GLIS3: variants seen among roughly 807,000 people sequenced by gnomAD.
GLIS3 encodes GLIS family zinc finger 3.
Under a neutral mutation model 78.6 loss-of-function variants are expected in GLIS3, and 53 were observed. That is an observed-to-expected ratio of 0.67 (90% CI 0.54 to 0.85). The LOEUF (loss-of-function observed/expected upper bound fraction) is 0.85. GLIS3 is among the 40% of genes least tolerant of loss of function. GLIS3 has a pLI of 0.00. For missense variants in GLIS3, 1,703 were observed against 1,231.1 expected, an observed-to-expected ratio of 1.38 and a Z score of -5.74; for synonymous variants, 684 against 509.9, an observed-to-expected ratio of 1.34 and a Z score of -4.60.
chr9:4,430,948 A>G, the GLIS3 span, among the ~76,000 whole-genome samples: 5 of 149,096 alleles, frequency 3.4e-5, no homozygotes, highest in Admixed American at 2.6e-4. Context: ...TGAGAAGTGA[A>G]TATCTGCTCC....
At chr9:4,351,859 G>C (rs1157955931), upstream of GLIS3, among the ~76,000 whole-genome samples, 3 of 150,616 alleles carry the variant, frequency 2.0e-5, no homozygotes, top group South Asian at 6.2e-4. Flanking sequence ...TGAATGCACA[G>C]TTTTCTTAAA....
In GLIS3 at chr9:3,906,880, C is replaced by G. The variant is rs138951380; in HGVS notation, c.1984-8045G>C. Among the ~76,000 whole-genome samples, 5 of 152,316 alleles carry G rather than the reference C, an allele frequency of 3.3e-5. No homozygotes were observed. In the East Asian group the frequency reaches 9.6e-4, roughly 29 times the overall value. ...TCCCTGGGTCCTGAAAAGAGCCTATCTCACTGTCTGCAAACTTCCCACGTA... is the reference window on the plus strand; with the variant it reads ...TCCCTGGGTCCTGAAAAGAGCCTATGTCACTGTCTGCAAACTTCCCACGTA... On this transcript the variant is annotated intron_variant, in intron 6 of 10. Coordinates refer to ENST00000381971, the MANE Select transcript of GLIS3 (RefSeq NM_001042413.2).
intron 6 of GLIS3, among the ~76,000 whole-genome samples, chr9:3,919,186 T>C (rs1238012775): frequency 6.6e-6 from 1 of 152,184 alleles, no homozygotes; most frequent in African/African-American, 2.4e-5. Context: ...GAGGCCACTA[T>C]AGAATTCATG....
chr9:4,325,739 G>C (rs1817588623), intron 2 of GLIS3, among the ~76,000 whole-genome samples: 1 of 151,892 alleles, frequency 6.6e-6, no homozygotes, highest in African/African-American at 2.4e-5. Flanking sequence ...ATCTATCAAA[G>C]TAATCTTGTT....
intron 1 of GLIS3, among the ~76,000 whole-genome samples, chr9:4,290,897 C>T (rs6476840): frequency 0.93 from 141,293 of 152,162 alleles, 66,110 homozygotes; most frequent in Non-Finnish European, 0.98. Context: ...ACATTATTTC[C>T]CCAAATTGAA....
At chr9:3,843,734 T>G (rs10122547) in intron 9 of GLIS3, among the ~76,000 whole-genome samples, 7,546 of 152,254 alleles carry the variant, frequency 0.05, 613 homozygotes, top group African/African-American at 0.17. Flanking sequence ...TCAGCCCAGA[T>G]CCACAGATGC....
At chr9:4,449,148 C>T in the GLIS3 span, among the ~76,000 whole-genome samples, 86 of 152,310 alleles carry the variant, frequency 5.6e-4, no homozygotes, top group African/African-American at 9.6e-4. Flanking sequence ...TCTTAGCAAA[C>T]GGCACACCAG....
intron 7 of GLIS3, among the ~76,000 whole-genome samples, chr9:3,893,153 A>G (rs1172712645): frequency 6.6e-6 from 1 of 152,184 alleles, no homozygotes; most frequent in Non-Finnish European, 1.5e-5. Context: ...ACTTTTCCCA[A>G]TAAGGATAAA....
Position 4,041,360 on chromosome 9 carries a change from T to C in GLIS3, c.1710+76408A>G, listed in dbSNP as rs576535593. 3.9e-5 allele frequency among the ~76,000 whole-genome samples: 6 copies of C among 152,348 alleles called. No individual in the cohort carries two copies. In the South Asian group the frequency reaches 8.3e-4, roughly 21 times the overall value. On this transcript the variant is annotated intron_variant, in intron 4 of 10. Transcript: ENST00000381971. ...ACAGCCTCTGCTGAAACGAACTATCTTGCCCCCAGTGTCATTAATGCTGCT... is the reference window on the plus strand; with the variant it reads ...ACAGCCTCTGCTGAAACGAACTATCCTGCCCCCAGTGTCATTAATGCTGCT...
chr9:4,284,373 C>G (rs941386593), intron 2 of GLIS3, among the ~76,000 whole-genome samples: 1 of 152,156 alleles, frequency 6.6e-6, no homozygotes, highest in Non-Finnish European at 1.5e-5. Context: ...AGCTACGGTT[C>G]ACTAGTCAAG....
chr9:4,242,715 C>G (rs528081650), intron 2 of GLIS3, among the ~76,000 whole-genome samples: 1 of 152,106 alleles, frequency 6.6e-6, no homozygotes, highest in Admixed American at 6.5e-5. Flanking sequence ...CTAGTAGGAA[C>G]AGAGGTGTGC....
the GLIS3 span, among the ~76,000 whole-genome samples, chr9:4,371,846 G>C: frequency 1.3e-5 from 2 of 152,232 alleles, no homozygotes; most frequent in Non-Finnish European, 2.9e-5. Context: ...TTCAAAGATA[G>C]AGGCCACTTC....
chr9:4,289,400 A>G (rs906583929), intron 1 of GLIS3, among the ~76,000 whole-genome samples: 34 of 152,194 alleles, frequency 2.2e-4, no homozygotes, highest in Non-Finnish European at 7.4e-5. Flanking sequence ...TACCACCCCC[A>G]TCAAAGTGCG....
chr9:4,011,597 C>G (rs1419454696), intron 4 of GLIS3, among the ~76,000 whole-genome samples: 3 of 152,210 alleles, frequency 2.0e-5, no homozygotes, highest in Non-Finnish European at 2.9e-5. Context: ...GGCAGCCCAT[C>G]TACCTGCTGA....
intron 1 of GLIS3, chr9:4,298,588 A>T (rs1324996957): frequency 3.2e-6 from 1 of 310,100 alleles, no homozygotes; most frequent in Non-Finnish European, 6.4e-6. Context: ...AAATACACAC[A>T]GGGTCATTTA....
chr9:4,398,986 C>A, the GLIS3 span, among the ~76,000 whole-genome samples: 10 of 152,340 alleles, frequency 6.6e-5, no homozygotes, highest in Non-Finnish European at 1.3e-4. Flanking sequence ...CGTACCCAGC[C>A]TGCTCAAGTT....
intron 2 of GLIS3, among the ~76,000 whole-genome samples, chr9:4,199,661 G>A (rs190808900): frequency 3.3e-5 from 5 of 151,796 alleles, no homozygotes; most frequent in Non-Finnish European, 5.9e-5. Context: ...CATAAAACAA[G>A]TACTTCTAGA....
chr9:4,118,801 T>C lies in GLIS3; in HGVS notation c.677A>G (p.Glu226Gly). 2 of 1,610,480 alleles carry C rather than the reference T, an allele frequency of 1.2e-6. No homozygotes were observed. Among genetic ancestry groups the C allele is most frequent in the Non-Finnish European group, 1.7e-6 (2 of 1,179,992 alleles). The change falls in exon 4 of 11, where the codon GAG becomes GGG. Residue 226 changes from glutamate (E) to glycine (G), a missense_variant. Coordinates refer to ENST00000381971, the MANE Select transcript of GLIS3 (RefSeq NM_001042413.2). This position sits in a 1 kb window ranked among gnomAD's most constrained non-coding sequence, Gnocchi z 4.7. ...GAGGGCCCTGTAGCCCTGGGACCAC[T>C]CCTGCTTCATGCTTGAGGCCGACTG... ...ESQSASSMKQ[E>G]WSQGYRALPS...
At chr9:4,086,649 T>C (rs1049708829) in intron 4 of GLIS3, among the ~76,000 whole-genome samples, 1 of 152,226 alleles carries the variant, frequency 6.6e-6, no homozygotes, top group African/African-American at 2.4e-5. Context: ...TTCCACTGTA[T>C]GTCCTTTTGG....
Sources: allele counts gnomAD v4.1 joint callset (sites outside exome capture counted in the v4.1 genomes callset), GRCh38; gene constraint gnomAD v4.1.1; non-coding constraint Gnocchi (gnomAD v3.1); transcripts MANE v1.5; gene names NCBI Gene and HGNC (gene_info 2026-07-23, HGNC 2026-07-21).